Variants in CDH18 observed in about 807,000 individuals in gnomAD.
CDH18 encodes the protein cadherin-18.
A neutral mutation model predicts 67.9 loss-of-function variants in CDH18; 31 were observed. The ratio of observed to expected loss-of-function variants is 0.46; its 90% CI spans 0.34 to 0.62. CDH18 has a LOEUF of 0.62. Among genes scored for constraint, CDH18 ranks in the 20% least tolerant of loss-of-function variants. The pLI, the probability that CDH18 is intolerant of heterozygous loss-of-function variation, is 0.01. For missense variants in CDH18, 890 were observed against 975.5 expected (o/e 0.91, Z 1.17); for synonymous variants, 362 against 347.2 (o/e 1.04, Z -0.48).
At chr5:20,340,986 C>G (rs1740209185) in intron 1 of CDH18, among the ~76,000 whole-genome samples, 2 of 152,082 alleles carry the variant, frequency 1.3e-5, no homozygotes, top group African/African-American at 4.8e-5. Context: ...ACTTTGTCTT[C>G]CCCTGGTGGA....
At chr5:20,049,445 A>ATC (rs1554084132) in intron 2 of CDH18, among the ~76,000 whole-genome samples, 1 of 151,214 alleles carries the variant, frequency 6.6e-6, no homozygotes, top group Non-Finnish European at 1.5e-5. Context: ...TATACAACAA[A>ATC]CCCCCATGAC....
intron 1 of CDH18, among the ~76,000 whole-genome samples, chr5:20,574,435 A>T (rs938105449): frequency 6.6e-6 from 1 of 151,946 alleles, no homozygotes; most frequent in Non-Finnish European, 1.5e-5. Flanking sequence ...ACTTCACTCA[A>T]AAGGACAGTC....
At chr5:19,758,787 T>G (rs1391131102) in intron 3 of CDH18, among the ~76,000 whole-genome samples, 3 of 152,184 alleles carry the variant, frequency 2.0e-5, no homozygotes, top group Non-Finnish European at 4.4e-5. Flanking sequence ...GGTCCTTGAA[T>G]TGTAGTTGGA....
chr5:20,505,572 T>G (rs1754607010), intron 1 of CDH18, among the ~76,000 whole-genome samples: 1 of 152,214 alleles, frequency 6.6e-6, no homozygotes, highest in African/African-American at 2.4e-5. Context: ...ATGCCCACCT[T>G]CTATGTTATA....
intron 2 of CDH18, among the ~76,000 whole-genome samples, chr5:20,042,570 A>G (rs1740523790): frequency 6.6e-6 from 1 of 152,226 alleles, no homozygotes; most frequent in Non-Finnish European, 1.5e-5. Context: ...CATTAATTAA[A>G]CAATTTAATT....
Position 19,793,673 on chromosome 5 carries a change from A to G in CDH18, c.228+45086T>C, listed in dbSNP as rs930401250. On this transcript the variant is annotated intron_variant, in intron 3 of 12. Transcript: ENST00000382275. ...AGTGAAACTTAGAAGGACAGAGAAC[A>G]GATATAATATGTACAGCTTAGCCTT... is the stretch of plus-strand genomic sequence containing the variant. Among the ~76,000 whole-genome samples, 4 of 152,254 alleles carry G rather than the reference A, an allele frequency of 2.6e-5. No individual in the cohort carries two copies. In the South Asian group the frequency reaches 8.3e-4, roughly 32 times the overall value.
In CDH18 at chr5:19,817,675, T is replaced by G. The variant is rs192277118; in HGVS notation, c.228+21084A>C. On this transcript the variant is annotated intron_variant, in intron 3 of 12. Transcript: ENST00000382275. ...TCCAGTGAATTACAACATTTGATCA[T>G]TCTACTAGGCAGGCACTATGACAGG... Among the ~76,000 whole-genome samples, 32 of 152,204 alleles carry G rather than the reference T, an allele frequency of 2.1e-4. No homozygotes were observed. In the East Asian group the frequency reaches 5.6e-3, roughly 27 times the overall value.
At chr5:20,079,155 A>G (rs1744224048) in intron 2 of CDH18, among the ~76,000 whole-genome samples, 2 of 152,018 alleles carry the variant, frequency 1.3e-5, no homozygotes, top group Non-Finnish European at 2.9e-5. Flanking sequence ...AGAACACCAG[A>G]ACTTATTCCT....
In CDH18 at chr5:19,518,280, A is replaced by G. The variant is rs1164071377; in HGVS notation, c.1512+2377T>C. On this transcript the variant is annotated intron_variant, in intron 10 of 12. Transcript: ENST00000382275. ...TTCTAATTTTCTCATGGGAAATGTT[A>G]AATTAATTAAGTAGGAGGCCATATC... Among the ~76,000 whole-genome samples the G allele has an allele frequency of 3.3e-5, 5 of 152,178 alleles. No individual in the cohort carries two copies. In the East Asian group the frequency reaches 9.6e-4, roughly 29 times the overall value.
At chr5:20,239,756 C>T (rs1561902931) in intron 2 of CDH18, among the ~76,000 whole-genome samples, 1 of 152,032 alleles carries the variant, frequency 6.6e-6, no homozygotes, top group Non-Finnish European at 1.5e-5. Flanking sequence ...AGATGCTTGA[C>T]AATCTTTCAA....
At chr5:19,982,547 AT>A (rs1348999788) in intron 1 of CDH18, among the ~76,000 whole-genome samples, 2 of 152,016 alleles carry the variant, frequency 1.3e-5, no homozygotes, top group Non-Finnish European at 2.9e-5. Context: ...GAGTTTCTTC[AT>A]TTTTGTGATA....
intron 5 of CDH18, among the ~76,000 whole-genome samples, chr5:19,644,210 T>C (rs889248647): frequency 1.8e-4 from 28 of 152,122 alleles, no homozygotes; most frequent in African/African-American, 6.5e-4. Flanking sequence ...CTCAGCATTG[T>C]AGCTGAGTAG....
intron 3 of CDH18, among the ~76,000 whole-genome samples, chr5:19,814,847 TACAC>T (rs200095987): frequency 0.016 from 2,058 of 127,628 alleles, 38 homozygotes; most frequent in African/African-American, 0.048. Context: ...GCAAAATTGT[TACAC>T]ACACACACAC....
Position 19,511,875 on chromosome 5 carries a change from G to GT in CDH18, c.1513-8767dup, listed in dbSNP as rs567711104. ...TTTTCTGAGGAGAAATTCAAGTTGT[G>GT]TAAGTATCGAGGAGCCAAATGTTAA... is the stretch of plus-strand genomic sequence containing the variant. On this transcript the variant is annotated intron_variant, in intron 10 of 12. Transcript: ENST00000382275. 2.8e-4 allele frequency among the ~76,000 whole-genome samples: 43 copies of GT among 152,306 alleles called. No individual in the cohort carries two copies. The South Asian group carries it at 8.7e-3, about 31-fold the overall frequency.
In CDH18 at chr5:20,137,607, C is replaced by T. The variant is rs1749847770; in HGVS notation, c.-518+117837G>A. Reference sequence around the variant, plus strand: ...CTGTGAACTCGTCAAAGTCATTCTCCGTCCACCTTTGTTCCATTGCTGGCA... The same window carrying T: ...CTGTGAACTCGTCAAAGTCATTCTCTGTCCACCTTTGTTCCATTGCTGGCA... On this transcript the variant is annotated intron_variant, in intron 2 of 14. Transcript: ENST00000507958. Among the ~76,000 whole-genome samples, 4 of 152,064 alleles carry T rather than the reference C, an allele frequency of 2.6e-5. 1 individual carries two copies. In the South Asian group the frequency reaches 8.3e-4, roughly 31 times the overall value.
intron 1 of CDH18, chr5:20,304,887 T>C (rs1736283576): frequency 1.9e-6 from 3 of 1,612,190 alleles, no homozygotes; most frequent in Admixed American, 3.3e-5. Flanking sequence ...TCTCATAGTC[T>C]TTAAAGATAG....
chr5:19,552,879 T>C (rs1737713822), intron 8 of CDH18, among the ~76,000 whole-genome samples: 1 of 152,190 alleles, frequency 6.6e-6, no homozygotes, highest in Admixed American at 6.6e-5. Flanking sequence ...TAATTTTTTA[T>C]TTCTACACCA....
At chr5:19,921,482 G>C (rs1415831989) in intron 2 of CDH18, among the ~76,000 whole-genome samples, 1 of 148,176 alleles carries the variant, frequency 6.7e-6, no homozygotes, top group African/African-American at 2.5e-5. Flanking sequence ...AGTGAGCCGA[G>C]ATCGCTCCAC....
chr5:19,497,975 T>C (rs1014819190), intron 11 of CDH18, among the ~76,000 whole-genome samples: 1 of 152,158 alleles, frequency 6.6e-6, no homozygotes, highest in African/African-American at 2.4e-5. Context: ...GATTTTTTAC[T>C]TACATCACAG....
Sources: gnomAD v4.1 joint callset for allele counts (sites outside exome capture counted in the v4.1 genomes callset) on GRCh38, gnomAD v4.1.1 for gene constraint, MANE v1.5 for transcripts, NCBI Gene and HGNC (gene_info 2026-07-23, HGNC 2026-07-21) for gene names.